Variants in OCRL observed in about 807,000 individuals in gnomAD.
The protein encoded by OCRL is inositol polyphosphate 5-phosphatase OCRL.
In OCRL, 8 loss-of-function variants were observed where a neutral mutation model predicts 78.9. The ratio of observed to expected loss-of-function variants is 0.10; its 90% CI spans 0.06 to 0.18. The LOEUF is 0.18. Among genes scored for constraint, OCRL ranks in the 10% least tolerant of loss-of-function variants. OCRL has a pLI of 1.00. For synonymous variants in OCRL, 240 were observed against 235.4 expected, an observed-to-expected ratio of 1.02 and a Z score of -0.18; for missense variants, 454 against 696.7, an observed-to-expected ratio of 0.65 and a Z score of 3.92.
chrX:129,575,286 C>A, intron 16 of OCRL, 36 bp downstream of exon 16: 1 of 922,134 alleles, frequency 1.1e-6, no homozygotes, highest in Non-Finnish European at 1.6e-6. Context: ...GTCTACTGCT[C>A]ACTGTGGTTA....
chrX:129,576,902 G>A (rs1204057273), intron 18 of OCRL, among the ~76,000 whole-genome samples: 1 of 111,646 alleles, frequency 9.0e-6, no homozygotes, highest in East Asian at 2.8e-4. Context: ...AGTGGGGCAG[G>A]CAGAATTATC....
chrX:129,564,921 G>A lies in OCRL; in HGVS notation c.1245-851G>A, dbSNP rs562156415. Among the ~76,000 whole-genome samples, 13 of 111,290 alleles carry A rather than the reference G, an allele frequency of 1.2e-4. No homozygotes were observed. In the South Asian group the frequency reaches 5.0e-3, roughly 43 times the overall value. On this transcript the variant is annotated intron_variant, in intron 12 of 23. Transcript: ENST00000371113. ...GAGAGTAGAGTCATTGGGGAAAGAG[G>A]AGGAAAGAGTAGGGATATTCAACTA...
intron 3 of OCRL, among the ~76,000 whole-genome samples, chrX:129,547,524 C>CAAAAAAAA (rs1177506776): frequency 8.6e-5 from 3 of 34,948 alleles, no homozygotes; most frequent in Admixed American, 3.4e-4. Flanking sequence ...GACTCCGTCT[C>CAAAAAAAA]AAAAAAAAAA....
rs1936361758 is a variant in OCRL at position 129,575,893 on chromosome X, C to T, written c.1714-4C>T. The T allele has an allele frequency of 8.3e-7, 1 of 1,210,077 alleles. No homozygotes were observed. Among genetic ancestry groups the T allele is most frequent in the Admixed American group, 2.2e-5 (1 of 45,835 alleles). On this transcript the variant is annotated splice_region_variant and splice_polypyrimidine_tract_variant and intron_variant, in intron 16 of 23. Transcript: ENST00000371113. Reference sequence around the variant, plus strand: ...CATGTTTGTGTCTGTCTGTTATTCCCCAGTTTGTGTTTGAAAATGTGAAGT... The same window carrying T: ...CATGTTTGTGTCTGTCTGTTATTCCTCAGTTTGTGTTTGAAAATGTGAAGT...
chrX:129,558,956 T>C lies in OCRL; in HGVS notation c.677T>C (p.Ile226Thr), dbSNP rs374794568. The change falls in exon 8 of 24, where the codon ATC (isoleucine) becomes ACC (threonine). Residue 226 changes from isoleucine (I) to threonine (T), a missense_variant. Physicochemically the swap from Ile to Thr is moderately conservative, Grantham distance 89. Coordinates refer to ENST00000371113, the MANE Select transcript of OCRL (RefSeq NM_000276.4). ...SGQREGLIKH[I>T]LAKREKEYVN... ...CAGCGGGAGGGTCTCATCAAACATA[T>C]CCTGGCAAAGCGAGAGAAAGAATAT... 9.9e-6 allele frequency: 12 copies of C among 1,209,273 alleles called. No homozygotes were observed. The highest frequency in any genetic ancestry group is 1.2e-5 in the Non-Finnish European group (11 of 894,952).
At chrX:129,545,072 G>GT (rs776946843) in intron 3 of OCRL, 35 bp downstream of exon 3, 3 of 765,955 alleles carry the variant, frequency 3.9e-6, no homozygotes, top group Admixed American at 2.2e-5. Flanking sequence ...GTTTTATAAT[G>GT]TTTTTTCTCG....
chrX:129,557,857 C>G lies in OCRL; in HGVS notation c.350-4C>G, dbSNP rs745347502. 1 of 1,170,156 alleles carries G rather than the reference C, an allele frequency of 8.5e-7. No individual in the cohort carries two copies. Among genetic ancestry groups the G allele is most frequent in the African/African-American group, 1.8e-5 (1 of 56,566 alleles). ...GTTTCTGACCATGAACCTTATCTCT[C>G]TAGCTCAGTCACAGCTTCTTGTTCC... is the stretch of plus-strand genomic sequence containing the variant. On this transcript the variant is annotated splice_polypyrimidine_tract_variant and splice_region_variant and intron_variant, in intron 5 of 23. Coordinates refer to ENST00000371113, the MANE Select transcript of OCRL (RefSeq NM_000276.4).
Position 129,589,105 on chromosome X carries a change from T to C in OCRL, c.2469+92T>C, listed in dbSNP as rs1936554921. 7 of 1,002,126 alleles carry C rather than the reference T, an allele frequency of 7.0e-6. No individual in the cohort carries two copies. In the African/African-American group the frequency reaches 9.4e-5, roughly 13 times the overall value. The allele number at this position is 1,002,126 out of a possible 1,213,427, so 82.6% of individuals were successfully genotyped here. On this transcript the variant is annotated intron_variant, in intron 22 of 23. Coordinates refer to ENST00000371113, the MANE Select transcript of OCRL (RefSeq NM_000276.4). The stretch of plus-strand genomic sequence containing the variant: ...AGAGCCAGATAGGCAGCCAGCTGTC[T>C]GGTAGGATGGGTCTGCATCTGTTAT...
chrX:129,588,277 C>G lies in OCRL; in HGVS notation c.2341+14C>G. Reference sequence around the variant, plus strand: ...CTGAGACAATCCGTATCCTTTGCGACCAAAGCTTAAGAAGCTGGATGAGTA... The same window carrying G: ...CTGAGACAATCCGTATCCTTTGCGAGCAAAGCTTAAGAAGCTGGATGAGTA... On this transcript the variant is annotated intron_variant, in intron 21 of 23. Transcript: ENST00000371113. 1 of 1,149,103 alleles carries G rather than the reference C, an allele frequency of 8.7e-7. No homozygotes were observed. Among genetic ancestry groups the G allele is most frequent in the Non-Finnish European group, 1.2e-6 (1 of 838,230 alleles). 94.7% of individuals were successfully genotyped at this position (1,149,103 alleles called of 1,213,427 possible).
At chrX:129,547,243 C>T (rs1310266080) in intron 3 of OCRL, among the ~76,000 whole-genome samples, 2 of 109,578 alleles carry the variant, frequency 1.8e-5, no homozygotes, top group African/African-American at 3.3e-5. Context: ...AAAAGAAAAC[C>T]GGCTGGGCGC....
At chrX:129,563,337 A>G (rs1936170300) in intron 12 of OCRL, among the ~76,000 whole-genome samples, 1 of 112,345 alleles carries the variant, frequency 8.9e-6, no homozygotes, top group African/African-American at 3.2e-5. Context: ...CGATATCTTG[A>G]TTTCTAAAAT....
rs1211293995 is a variant in OCRL, at chrX:129,585,163, G to A, written c.2139+796G>A. On this transcript the variant is annotated intron_variant, in intron 19 of 23. Transcript: ENST00000371113. The stretch of plus-strand genomic sequence containing the variant: ...TTGTGAAATTATTCAAGTATTTTCT[G>A]TGTATGATCTTTCTCTAGACTTTGG... Among the ~76,000 whole-genome samples, 4 of 112,546 alleles carry A rather than the reference G, an allele frequency of 3.6e-5. No individual in the cohort carries two copies. The Admixed American group carries it at 3.8e-4, about 11-fold the overall frequency.
chrX:129,564,752 A>G (rs1382728506), intron 12 of OCRL, among the ~76,000 whole-genome samples: 4 of 110,539 alleles, frequency 3.6e-5, no homozygotes, highest in Non-Finnish European at 7.6e-5. Flanking sequence ...GGATAGCTTT[A>G]GGAGATATAC....
chrX:129,588,074 C>A, intron 20 of OCRL, 105 bp from the exon 21 acceptor site: 1 of 594,685 alleles, frequency 1.7e-6, no homozygotes, highest in Non-Finnish European at 3.0e-6. Context: ...AACACACATA[C>A]CACCCTTCCC....
chrX:129,591,620 A>G lies in OCRL; in HGVS notation c.*1350A>G, dbSNP rs763290436. The G allele has an allele frequency of 8.9e-6, 1 of 111,836 alleles. No homozygotes were observed. Among genetic ancestry groups the G allele is most frequent in the African/African-American group, 3.3e-5 (1 of 30,616 alleles). 9.2% of individuals were successfully genotyped at this position (111,836 alleles called of 1,213,427 possible). A position where few individuals can be genotyped will look rare whatever the true frequency, so the allele number is the denominator to read the frequency against. Reference sequence around the variant, plus strand: ...ACAACCACCCTTGCCTGTTTACATTAATTGCAAGGAGCATAACGTACAGGC... The same window carrying G: ...ACAACCACCCTTGCCTGTTTACATTGATTGCAAGGAGCATAACGTACAGGC... On this transcript the variant is annotated 3_prime_UTR_variant, in exon 24 of 24. Coordinates refer to ENST00000371113, the MANE Select transcript of OCRL (RefSeq NM_000276.4).
Position 129,569,439 on chromosome X carries a change from G to C in OCRL, c.1602+40G>C, listed in dbSNP as rs200772931. 11 of 1,152,060 alleles carry C rather than the reference G, an allele frequency of 9.5e-6. No individual in the cohort carries two copies. The African/African-American group carries it at 1.4e-4, about 15-fold the overall frequency. 94.9% of individuals were successfully genotyped at this position (1,152,060 alleles called of 1,213,427 possible). On this transcript the variant is annotated intron_variant, in intron 15 of 23. Coordinates refer to ENST00000371113, the MANE Select transcript of OCRL (RefSeq NM_000276.4). ...GTACATTCATTTATTTGTGTGTTAA[G>C]TATCAATTACTAGAGGATTATTTAG...
chrX:129,567,157 A>G (rs767486331), intron 13 of OCRL, 97 bp from the exon 14 acceptor site: 3 of 579,792 alleles, frequency 5.2e-6, no homozygotes, highest in Admixed American at 5.1e-5. Flanking sequence ...TTGTGGAACT[A>G]GATACTTTGA....
chrX:129,581,701 T>TTA (rs748895748), intron 18 of OCRL, among the ~76,000 whole-genome samples: 340 of 95,166 alleles, frequency 3.6e-3, no homozygotes, highest in Middle Eastern at 0.015. Context: ...TACTTAGAAA[T>TTA]TATATATATA....
chrX:129,544,061 A>T (rs1935845246), intron 2 of OCRL, among the ~76,000 whole-genome samples: 1 of 110,302 alleles, frequency 9.1e-6, no homozygotes, highest in Non-Finnish European at 1.9e-5. Flanking sequence ...TTCATGGAGG[A>T]GGTGATATTT....
Sources: allele counts gnomAD v4.1 joint callset (sites outside exome capture counted in the v4.1 genomes callset), GRCh38; gene constraint gnomAD v4.1.1; transcripts MANE v1.5; gene names NCBI Gene and HGNC (gene_info 2026-07-23, HGNC 2026-07-21).